The following RRBP1 variants were observed in gnomAD, a reference collection of about 807,000 sequenced individuals.
The protein encoded by RRBP1 is ribosome-binding protein 1.
A neutral mutation model predicts 165.2 loss-of-function variants in RRBP1; 94 were observed. That is an observed-to-expected ratio of 0.57 (90% confidence interval 0.48 to 0.68). The LOEUF (loss-of-function observed/expected upper bound fraction) is 0.68, where lower values mean the gene tolerates loss of function less well. Among genes scored for constraint, RRBP1 ranks in the 30% least tolerant of loss-of-function variants. The pLI, the probability that RRBP1 is intolerant of heterozygous loss-of-function variation, is 0.00. For missense variants in RRBP1, 1,676 were observed against 1,763.0 expected (o/e 0.95, Z 0.88); for synonymous variants, 680 against 714.5 (o/e 0.95, Z 0.77).
intron 9 of RRBP1, 85 bp from the exon 10 acceptor site, chr20:17,627,767 C>T: frequency 7.4e-7 from 1 of 1,356,160 alleles, no homozygotes; most frequent in Non-Finnish European, 1.0e-6. Flanking sequence ...GCCCTCTTAG[C>T]ACATGTGGGG....
In RRBP1 at chr20:17,614,006, T is replaced by C. The variant is rs2035741717; in HGVS notation, c.*176A>G. 1.6e-6 allele frequency: 1 copy of C among 644,116 alleles called. No individual in the cohort carries two copies. Among genetic ancestry groups the C allele is most frequent in the Non-Finnish European group, 2.8e-6 (1 of 356,492 alleles). 39.9% of individuals were successfully genotyped at this position (644,116 alleles called of 1,614,324 possible). Reference sequence around the variant, plus strand: ...ATGTGACACAGGTTCATTTACAAACTGGGGCTCTGGAAGGTCTACTTCTGT... The same window carrying C: ...ATGTGACACAGGTTCATTTACAAACCGGGGCTCTGGAAGGTCTACTTCTGT... On this transcript the variant is annotated 3_prime_UTR_variant, in exon 25 of 25. Transcript: ENST00000377813.
chr20:17,641,759 G>A (rs910619445), intron 5 of RRBP1, 38 bp downstream of exon 5: 4 of 1,608,588 alleles, frequency 2.5e-6, no homozygotes, highest in Non-Finnish European at 3.4e-6. Context: ...CTGAGGACGG[G>A]AGAGGACAAA....
At chr20:17,631,418 A>G (rs2122311575) in intron 8 of RRBP1, among the ~76,000 whole-genome samples, 1 of 152,358 alleles carries the variant, frequency 6.6e-6, no homozygotes, top group East Asian at 1.9e-4. Flanking sequence ...GATTCCAGCA[A>G]CAAGCAAACA....
rs1030757435 is a variant in RRBP1, at chr20:17,643,632, CAGG to C, written c.1913-508_1913-506del. On this transcript the variant is annotated intron_variant, in intron 3 of 24. Transcript: ENST00000377813. This position sits in a 1 kb window ranked among gnomAD's most constrained non-coding sequence, Gnocchi z 4.3. Reference sequence around the variant, plus strand: ...ACCCAGAGCCACACTCCTGCAGCCACAGGAGGAGCACAGAAGGCAAGGAGAGGC... The same window carrying C: ...ACCCAGAGCCACACTCCTGCAGCCACAGGAGCACAGAAGGCAAGGAGAGGC... 6.6e-6 allele frequency among the ~76,000 whole-genome samples: 1 copy of C among 152,136 alleles called. No homozygotes were observed. Among genetic ancestry groups the C allele is most frequent in the Non-Finnish European group, 1.5e-5 (1 of 68,026 alleles).
chr20:17,652,360 A>G (rs2036573660), intron 3 of RRBP1, among the ~76,000 whole-genome samples: 1 of 152,070 alleles, frequency 6.6e-6, no homozygotes, highest in Non-Finnish European at 1.5e-5. Flanking sequence ...TGATAATTTA[A>G]ATGCTCCCAT....
Position 17,635,962 on chromosome 20 carries a change from CAAGGTCACATGGTTGACTGTTCT to C in RRBP1, c.2338-321_2338-299del, listed in dbSNP as rs1284134536. On this transcript the variant is annotated intron_variant, in intron 6 of 24. Coordinates refer to ENST00000377813, the MANE Select transcript of RRBP1 (RefSeq NM_001365613.2). ...GACACACCCCATGAACATCTGCCTC[CAAGGTCACATGGTTGACTGTTCT>C]AAGACAAAGCACATGCACCGCCTCT... Among the ~76,000 whole-genome samples the C allele has an allele frequency of 5.3e-5, 8 of 152,372 alleles. No individual in the cohort carries two copies. In the East Asian group the frequency reaches 1.3e-3, roughly 26 times the overall value.
At chr20:17,626,588 G>A (rs768043154) in intron 11 of RRBP1, among the ~76,000 whole-genome samples, 2 of 152,184 alleles carry the variant, frequency 1.3e-5, no homozygotes, top group African/African-American at 4.8e-5. Context: ...GACCGTGTGC[G>A]AGGGAATGCA....
intron 22 of RRBP1, among the ~76,000 whole-genome samples, 166 bp from the exon 23 acceptor site, chr20:17,615,695 A>G (rs1370674825): frequency 6.6e-6 from 1 of 152,166 alleles, no homozygotes; most frequent in Non-Finnish European, 1.5e-5. Flanking sequence ...GTTCTGACCC[A>G]GCCCCAGGCC....
In RRBP1 at chr20:17,633,508, A is replaced by G; in HGVS notation, c.2562T>C (p.Ala854=). 6.2e-7 allele frequency: 1 copy of G among 1,613,968 alleles called. No individual in the cohort carries two copies. The highest frequency in any genetic ancestry group is 2.2e-5 in the East Asian group (1 of 44,870). ...AVRQDEQQRK[A]LEAKAAAFEK... is the part of the protein sequence containing the mutation. Reference sequence around the variant, plus strand: ...CGAAGGCAGCTGCCTTGGCTTCCAGAGCTTTCCGCTGCTGCTCATCTTGCC... The same window carrying G: ...CGAAGGCAGCTGCCTTGGCTTCCAGGGCTTTCCGCTGCTGCTCATCTTGCC... Residue 854 remains alanine, a synonymous_variant, in exon 8 of 25, where the codon GCT becomes GCC. Coordinates refer to ENST00000377813, the MANE Select transcript of RRBP1 (RefSeq NM_001365613.2).
chr20:17,652,388 T>C (rs944194371), intron 3 of RRBP1, among the ~76,000 whole-genome samples: 1 of 152,154 alleles, frequency 6.6e-6, no homozygotes, highest in Non-Finnish European at 1.5e-5. Flanking sequence ...GTGCCTCCCA[T>C]ATGGGACAGC....
intron 4 of RRBP1, 97 bp from the exon 5 acceptor site, chr20:17,642,016 G>C: frequency 7.5e-7 from 1 of 1,338,508 alleles, no homozygotes. Flanking sequence ...GCTTGATGAA[G>C]TGGAGCAGGG....
In RRBP1 at chr20:17,614,101, T is replaced by C; in HGVS notation, c.*81A>G. 2 of 1,386,674 alleles carry C rather than the reference T, an allele frequency of 1.4e-6. No individual in the cohort carries two copies. The highest frequency in any genetic ancestry group is 2.1e-6 in the Non-Finnish European group (2 of 973,468). The allele number at this position is 1,386,674 out of a possible 1,614,324, so 85.9% of individuals were successfully genotyped here. ...GAAGTTGGGCCTGGATAACGCTGTG[T>C]AGGTTGGTTGGTTTATTTGTAAGGA... is the stretch of plus-strand genomic sequence containing the variant. On this transcript the variant is annotated 3_prime_UTR_variant, in exon 25 of 25. Transcript: ENST00000377813.
chr20:17,615,110 A>G (rs1448310059), intron 23 of RRBP1, among the ~76,000 whole-genome samples: 1 of 152,208 alleles, frequency 6.6e-6, no homozygotes, highest in Non-Finnish European at 1.5e-5. Context: ...GGGCAGGAGC[A>G]GTTTACTCCG....
chr20:17,643,131 T>C lies in RRBP1; in HGVS notation c.1913-4A>G, dbSNP rs2122368728. 6.2e-7 allele frequency: 1 copy of C among 1,613,456 alleles called. No individual in the cohort carries two copies. Among genetic ancestry groups the C allele is most frequent in the African/African-American group, 1.3e-5 (1 of 75,036 alleles). On this transcript the variant is annotated splice_polypyrimidine_tract_variant and splice_region_variant and intron_variant, in intron 3 of 24. Transcript: ENST00000377813. The surrounding 1 kb of genome is among the most constrained non-coding windows in gnomAD (Gnocchi z 4.3). ...GGGCCGTCGGCATCTGGGGGCCCTG[T>C]GCAGCAAGAGGGAAAGAGCTGAGAC...
chr20:17,652,038 A>C (rs1368434048), intron 3 of RRBP1, among the ~76,000 whole-genome samples: 4 of 152,210 alleles, frequency 2.6e-5, no homozygotes, highest in Non-Finnish European at 5.9e-5. Context: ...GAAGCACTTC[A>C]AGTCTCTGGT....
Position 17,636,594 on chromosome 20 carries a change from G to C in RRBP1, c.2320C>G (p.Gln774Glu). Residue 774 changes from glutamine to glutamate, a missense_variant, in exon 6 of 25, where the codon CAG becomes GAG. By Grantham distance (29) the Gln-to-Glu change is conservative. Coordinates refer to ENST00000377813, the MANE Select transcript of RRBP1 (RefSeq NM_001365613.2). ...ASYREHVKEV[Q>E]QLQGKIRTLQ... ...ACACCCACCTTGCCCTGCAGCTGCT[G>C]CACCTCCTTCACGTGCTCCCGGTAG... 1 of 1,611,936 alleles carries C rather than the reference G, an allele frequency of 6.2e-7. No homozygotes were observed.
intron 2 of RRBP1, among the ~76,000 whole-genome samples, chr20:17,668,351 C>T (rs2036909651): frequency 6.6e-6 from 1 of 152,196 alleles, no homozygotes; most frequent in Admixed American, 6.5e-5. Flanking sequence ...TTAAGTCTGA[C>T]TGGCTTTTCT....
In RRBP1 at chr20:17,616,714, C is replaced by A; in HGVS notation, c.3867+18G>T. 1 of 1,554,356 alleles carries A rather than the reference C, an allele frequency of 6.4e-7. No homozygotes were observed. The highest frequency in any genetic ancestry group is 1.1e-5 in the South Asian group (1 of 89,194). ...CTGGGATTAGTGATGTGTCTGGGGA[C>A]CAGCTCACCGCCCTAACCTGAACGG... is the stretch of plus-strand genomic sequence containing the variant. On this transcript the variant is annotated intron_variant, in intron 21 of 24. Coordinates refer to ENST00000377813, the MANE Select transcript of RRBP1 (RefSeq NM_001365613.2).
At chr20:17,636,892 C>T (rs1222838898) in intron 5 of RRBP1, among the ~76,000 whole-genome samples, 163 bp from the exon 6 acceptor site, 3 of 152,202 alleles carry the variant, frequency 2.0e-5, no homozygotes, top group Admixed American at 6.5e-5. Context: ...GCAGTGGGAA[C>T]GACGACAGAC....
Sources: gnomAD v4.1 joint callset for allele counts (sites outside exome capture counted in the v4.1 genomes callset) on GRCh38, gnomAD v4.1.1 for gene constraint, Gnocchi (gnomAD v3.1) non-coding constraint, MANE v1.5 for transcripts, NCBI Gene and HGNC (gene_info 2026-07-23, HGNC 2026-07-21) for gene names.